The following ILK variants were observed in gnomAD, a reference collection of about 807,000 sequenced individuals.
ILK encodes integrin linked kinase, also known as scaffold protein ILK.
ILK carries 37 observed loss-of-function variants against 57.8 expected under a neutral mutation model. That is an observed-to-expected ratio of 0.64 (90% CI 0.49 to 0.84). The LOEUF is 0.84. ILK is among the 40% of genes least tolerant of loss of function. The pLI is 0.00. For missense variants in ILK, 528 were observed against 595.7 expected, an observed-to-expected ratio of 0.89 and a Z score of 1.18; for synonymous variants, 231 against 202.2, an observed-to-expected ratio of 1.14 and a Z score of -1.21.
Position 6,608,453 on chromosome 11 carries a change from C to G in ILK, c.315C>G (p.His105Gln), listed in dbSNP as rs912914236. 1.2e-6 allele frequency: 2 copies of G among 1,614,160 alleles called. No individual in the cohort carries two copies. Among genetic ancestry groups the G allele is most frequent in the Non-Finnish European group, 8.5e-7 (1 of 1,179,964 alleles). ...ATGAACACGGGAATGTGCCCCTGCA[C>G]TATGCCTGTTTTTGGGGCCAAGATC... ...AVNEHGNVPL[H>Q]YACFWGQDQV... The change falls in exon 4 of 13, where the codon CAC (histidine) becomes CAG (glutamine). Residue 105 changes from histidine (H) to glutamine (Q), a missense_variant. His to Gln is a conservative substitution (Grantham distance 24). Coordinates refer to ENST00000299421, the MANE Select transcript of ILK (RefSeq NM_004517.4). This position sits in a 1 kb window ranked among gnomAD's most constrained non-coding sequence, Gnocchi z 4.9.
At position 6,610,514 on chromosome 11, in the gene ILK, T is replaced by C; in HGVS notation, c.1262T>C (p.Val421Ala). The C allele has an allele frequency of 6.2e-7, 1 of 1,614,112 alleles. No homozygotes were observed. The highest frequency in any genetic ancestry group is 8.5e-7 in the Non-Finnish European group (1 of 1,179,940). ...ATCCCACCAGGTATTTCCCCTCATG[T>C]GTGTAAGCTCATGAAGATCTGCATG... is the stretch of plus-strand genomic sequence containing the variant. Reference protein sequence around the residue: ...PTIPPGISPHVCKLMKICMNE... With the variant: ...PTIPPGISPHACKLMKICMNE... The change falls in exon 13 of 13, where the codon GTG becomes GCG. Residue 421 changes from valine to alanine, a missense_variant. By Grantham distance (64) the Val-to-Ala change is moderately conservative (BLOSUM62 0). Coordinates refer to ENST00000299421, the MANE Select transcript of ILK (RefSeq NM_004517.4).
At chr11:6,605,643 C>T (rs1854822309) in intron 2 of ILK, among the ~76,000 whole-genome samples, 1 of 134,754 alleles carries the variant, frequency 7.4e-6, no homozygotes, top group Non-Finnish European at 1.6e-5. Flanking sequence ...GTTATTTTTC[C>T]TGATCCCTCC....
chr11:6,607,966 T>C (rs2134550472), intron 2 of ILK, 80 bp from the exon 3 acceptor site: 9 of 1,419,538 alleles, frequency 6.3e-6, no homozygotes, highest in Non-Finnish European at 6.9e-6. Flanking sequence ...CCAGAGAGTA[T>C]GTAATTATCA....
chr11:6,607,539 T>C (rs757858231), intron 2 of ILK: 1 of 170,958 alleles, frequency 5.8e-6, no homozygotes, highest in African/African-American at 2.4e-5. Context: ...TTCCCTCTTC[T>C]ATAAGTTGTG....
chr11:6,608,029 T>A lies in ILK; in HGVS notation c.90-17T>A. The A allele has an allele frequency of 3.7e-6, 6 of 1,613,552 alleles. No homozygotes were observed. Among genetic ancestry groups the A allele is most frequent in the South Asian group, 1.1e-5 (1 of 91,046 alleles). The stretch of plus-strand genomic sequence containing the variant: ...CATCCCACCTCCAGCTCAATGACCA[T>A]TGCCCCTTCCTCAAAGGGACGATCA... On this transcript the variant is annotated splice_polypyrimidine_tract_variant and intron_variant, in intron 2 of 12. Transcript: ENST00000299421. This position sits in a 1 kb window ranked among gnomAD's most constrained non-coding sequence, Gnocchi z 4.9.
At position 6,609,803 on chromosome 11, in the gene ILK, G is replaced by A. The variant is rs1430799146; in HGVS notation, c.936G>A (p.Glu312=). ...ARGMAFLHTL[E]PLIPRHALNS... ...GCATGGCCTTCCTACACACACTAGAGCCCCTCATCCCACGACATGCACTCA... is the reference window on the plus strand; with the variant it reads ...GCATGGCCTTCCTACACACACTAGAACCCCTCATCCCACGACATGCACTCA... Residue 312 remains glutamate (E), a synonymous_variant, in exon 10 of 13, where the codon GAG becomes GAA. Transcript: ENST00000299421. 6.2e-7 allele frequency: 1 copy of A among 1,614,136 alleles called. No homozygotes were observed. The highest frequency in any genetic ancestry group is 2.2e-5 in the East Asian group (1 of 44,876).
chr11:6,608,756 C>G lies in ILK; in HGVS notation c.414C>G (p.Asp138Glu). ...ACAAGTATGGAGAGATGCCTGTGGA[C>G]AAAGCCAAGGCACCCCTGAGAGAGC... The part of the protein sequence containing the change: ...ICNKYGEMPV[D>E]KAKAPLRELL... The change falls in exon 5 of 13, where the codon GAC becomes GAG. Residue 138 changes from aspartate (D) to glutamate (E), a missense_variant. Asp to Glu is a conservative substitution (Grantham distance 45). Transcript: ENST00000299421. This position sits in a 1 kb window ranked among gnomAD's most constrained non-coding sequence, Gnocchi z 4.9. 1 of 1,614,074 alleles carries G rather than the reference C, an allele frequency of 6.2e-7. No homozygotes were observed. Among genetic ancestry groups the G allele is most frequent in the East Asian group, 2.2e-5 (1 of 44,888 alleles).
rs756532224 is a variant in ILK, at chr11:6,608,122, C to A, written c.166C>A (p.Arg56=). ...TGCTGTGGTTGAGATGTTGATCATG[C>A]GGGGGGCACGGATCAATGTAATGAA... The part of the protein sequence containing the change: ...RSAVVEMLIM[R]GARINVMNRG... Residue 56 remains arginine, a synonymous_variant, in exon 3 of 13, where the codon CGG becomes AGG. Coordinates refer to ENST00000299421, the MANE Select transcript of ILK (RefSeq NM_004517.4). The surrounding 1 kb of genome is among the most constrained non-coding windows in gnomAD (Gnocchi z 4.9). 3.1e-6 allele frequency: 5 copies of A among 1,614,072 alleles called. No homozygotes were observed. The highest frequency in any genetic ancestry group is 4.2e-6 in the Non-Finnish European group (5 of 1,179,980).
rs1855341232 is a variant in ILK at position 6,610,045 on chromosome 11, G to A, written c.1078+10G>A. 2 of 1,614,068 alleles carry A rather than the reference G, an allele frequency of 1.2e-6. No individual in the cohort carries two copies. The highest frequency in any genetic ancestry group is 1.7e-5 in the Admixed American group (1 of 60,010). On this transcript the variant is annotated intron_variant, in intron 11 of 12. Coordinates refer to ENST00000299421, the MANE Select transcript of ILK (RefSeq NM_004517.4). The stretch of plus-strand genomic sequence containing the variant: ...TGGGTAGCCCCCGAAGGTGAGTGAA[G>A]TCATCATGTCGGGAGGTAAAAAAGG...
At position 6,609,054 on chromosome 11, in the gene ILK, C is replaced by T. The variant is rs774305908; in HGVS notation, c.533-17C>T. On this transcript the variant is annotated splice_polypyrimidine_tract_variant and intron_variant, in intron 6 of 12. Transcript: ENST00000299421. ...GGTTAGGGTGAAGCTGGGTACCTGACCTGCCCACACTCTTAGGAAATGGAA... is the reference window on the plus strand; with the variant it reads ...GGTTAGGGTGAAGCTGGGTACCTGATCTGCCCACACTCTTAGGAAATGGAA... 15 of 1,613,014 alleles carry T rather than the reference C, an allele frequency of 9.3e-6. No individual in the cohort carries two copies. The highest frequency in any genetic ancestry group is 1.3e-5 in the Non-Finnish European group (15 of 1,178,972).
chr11:6,604,206 T>C lies in ILK; in HGVS notation c.-66T>C, dbSNP rs1854586916. 2.8e-6 allele frequency: 4 copies of C among 1,407,474 alleles called. No individual in the cohort carries two copies. The East Asian group carries it at 9.6e-5, about 34-fold the overall frequency. 87.2% of individuals were successfully genotyped at this position (1,407,474 alleles called of 1,614,324 possible). ...GGATAAAGCTTGGGGTTCATCCTCC[T>C]TCCCTGGATCACTCCACAGTCCTCA... is the stretch of plus-strand genomic sequence containing the variant. On this transcript the variant is annotated 5_prime_UTR_variant, in exon 2 of 13. Coordinates refer to ENST00000299421, the MANE Select transcript of ILK (RefSeq NM_004517.4).
chr11:6,610,450 T>G lies in ILK; in HGVS notation c.1210-12T>G. ...TCAAATTGTGAGGCTGCTTTTTTTC[T>G]TGTATTCGCAGGTGGCATTGGAAGG... On this transcript the variant is annotated splice_polypyrimidine_tract_variant and intron_variant, in intron 12 of 12. Transcript: ENST00000299421. 6.2e-7 allele frequency: 1 copy of G among 1,614,210 alleles called. No homozygotes were observed. The highest frequency in any genetic ancestry group is 8.5e-7 in the Non-Finnish European group (1 of 1,180,042).
Position 6,604,250 on chromosome 11 carries a change from G to T in ILK, c.-22G>T. ...GTCCTCAGGCTTCCCCAATCCAGGG[G>T]ACTCGGCGCCGGGACGCTGCTATGG... On this transcript the variant is annotated 5_prime_UTR_variant, in exon 2 of 13. Coordinates refer to ENST00000299421, the MANE Select transcript of ILK (RefSeq NM_004517.4). The T allele has an allele frequency of 1.2e-6, 2 of 1,605,506 alleles. No homozygotes were observed. Among genetic ancestry groups the T allele is most frequent in the Non-Finnish European group, 1.7e-6 (2 of 1,176,942 alleles).
chr11:6,609,732 G>A lies in ILK; in HGVS notation c.865G>A (p.Val289Met), dbSNP rs776651238. The A allele has an allele frequency of 6.2e-6, 10 of 1,614,054 alleles. No individual in the cohort carries two copies. Among genetic ancestry groups the A allele is most frequent in the East Asian group, 4.5e-5 (2 of 44,900 alleles). The change falls in exon 10 of 13, where the codon GTG becomes ATG. Residue 289 changes from valine (V) to methionine (M), a missense_variant. Physicochemically the swap from Val to Met is conservative, Grantham distance 21. Transcript: ENST00000299421. ...NVLHEGTNFV[V>M]DQSQAVKFAL... ...CTTTTGCCTCCTCTCAGATTTCGTC[G>A]TGGACCAGAGCCAGGCTGTGAAGTT...
rs1554899641 is a variant in ILK at position 6,609,918 on chromosome 11, C to CT, written c.979-17dup. 6.2e-7 allele frequency: 1 copy of CT among 1,614,160 alleles called. No individual in the cohort carries two copies. Among genetic ancestry groups the CT allele is most frequent in the Non-Finnish European group, 8.5e-7 (1 of 1,179,996 alleles). On this transcript the variant is annotated splice_polypyrimidine_tract_variant and intron_variant, in intron 10 of 12. Transcript: ENST00000299421. ...CTATCTATGACTTACCTCCTTCTAT[C>CT]TGTTTTCTCTTCCTCAGATTGATGA...
rs376990122 is a variant in ILK at position 6,609,798 on chromosome 11, C to A, written c.931C>A (p.Leu311Ile). Reference sequence around the variant, plus strand: ...AAGGGGCATGGCCTTCCTACACACACTAGAGCCCCTCATCCCACGACATGC... The same window carrying A: ...AAGGGGCATGGCCTTCCTACACACAATAGAGCCCCTCATCCCACGACATGC... ...MARGMAFLHTLEPLIPRHALN... is the reference protein window; with the variant it reads ...MARGMAFLHTIEPLIPRHALN... Residue 311 changes from leucine (L) to isoleucine (I), a missense_variant, in exon 10 of 13, where the codon CTA becomes ATA. Coordinates refer to ENST00000299421, the MANE Select transcript of ILK (RefSeq NM_004517.4). The A allele has an allele frequency of 6.8e-6, 11 of 1,614,180 alleles. No individual in the cohort carries two copies. Among genetic ancestry groups the A allele is most frequent in the Non-Finnish European group, 9.3e-6 (11 of 1,180,024 alleles).
Position 6,609,382 on chromosome 11 carries a change from C to T in ILK, c.702C>T (p.Asp234=). 1 of 1,614,060 alleles carries T rather than the reference C, an allele frequency of 6.2e-7. No individual in the cohort carries two copies. The highest frequency in any genetic ancestry group is 1.1e-5 in the South Asian group (1 of 91,080). The change falls in exon 8 of 13, where the codon GAC becomes GAT. Residue 234 remains aspartate (D), a synonymous_variant. Coordinates refer to ENST00000299421, the MANE Select transcript of ILK (RefSeq NM_004517.4). ...ACTGGAGTACAAGGAAGAGCAGGGA[C>T]TTCAATGAAGAGTGTCCCCGGCTCA... ...VRDWSTRKSR[D]FNEECPRLRI...
chr11:6,608,549 G>A lies in ILK; in HGVS notation c.351+60G>A. 1 of 1,468,328 alleles carries A rather than the reference G, an allele frequency of 6.8e-7. No individual in the cohort carries two copies. Among genetic ancestry groups the A allele is most frequent in the Non-Finnish European group, 9.5e-7 (1 of 1,047,292 alleles). The allele number at this position is 1,468,328 out of a possible 1,614,324, so 91.0% of individuals were successfully genotyped here. On this transcript the variant is annotated intron_variant, in intron 4 of 12. Transcript: ENST00000299421. The surrounding 1 kb of genome is among the most constrained non-coding windows in gnomAD (Gnocchi z 4.9). ...GGAAGTAAAGTCTGAGCCTTGGTGG[G>A]AGATTTTGGAACCCTCAACCCATTC... is the stretch of plus-strand genomic sequence containing the variant.
intron 2 of ILK, among the ~76,000 whole-genome samples, chr11:6,605,282 G>A (rs781214092): frequency 6.6e-6 from 1 of 152,110 alleles, no homozygotes; most frequent in Non-Finnish European, 1.5e-5. Flanking sequence ...ACTTGAAGAC[G>A]TGGTTGTGAA....
Sources: allele counts gnomAD v4.1 joint callset (sites outside exome capture counted in the v4.1 genomes callset), GRCh38; gene constraint gnomAD v4.1.1; non-coding constraint Gnocchi (gnomAD v3.1); transcripts MANE v1.5; gene names NCBI Gene and HGNC (gene_info 2026-07-23, HGNC 2026-07-21).